Variants in PLEKHA5 observed in about 807,000 individuals in gnomAD.
PLEKHA5 encodes pleckstrin homology domain containing A5.
PLEKHA5 carries 55 observed loss-of-function variants against 181.9 expected under a neutral mutation model. That is an observed-to-expected ratio of 0.30 (90% confidence interval 0.24 to 0.38). The LOEUF is 0.38. Ranked by LOEUF, PLEKHA5 falls within the 10% of genes least tolerant of loss-of-function variation. PLEKHA5 has a pLI of 1.00. For missense variants in PLEKHA5, 1,432 were observed against 1,549.5 expected, an observed-to-expected ratio of 0.92 and a Z score of 1.27; for synonymous variants, 535 against 529.4, an observed-to-expected ratio of 1.01 and a Z score of -0.15.
chr12:19,202,431 G>A (rs2054396297), intron 3 of PLEKHA5, among the ~76,000 whole-genome samples: 1 of 152,090 alleles, frequency 6.6e-6, no homozygotes, highest in African/African-American at 2.4e-5. Context: ...ATCTAGAGCA[G>A]TGGTTCTTAA....
chr12:19,344,600 T>C (rs375816574), intron 22 of PLEKHA5, among the ~76,000 whole-genome samples: 21 of 152,232 alleles, frequency 1.4e-4, no homozygotes, highest in East Asian at 9.6e-4. Flanking sequence ...TAATGGATTT[T>C]AAAAGGTGAG....
At chr12:19,351,222 C>T (rs2094577842) in intron 25 of PLEKHA5, among the ~76,000 whole-genome samples, 1 of 152,072 alleles carries the variant, frequency 6.6e-6, no homozygotes, top group Non-Finnish European at 1.5e-5. Flanking sequence ...AGGCGTGAGC[C>T]ACCACACCTG....
chr12:19,214,811 TTCA>T (rs2057631611), intron 3 of PLEKHA5, among the ~76,000 whole-genome samples: 1 of 152,060 alleles, frequency 6.6e-6, no homozygotes, highest in South Asian at 2.1e-4. Flanking sequence ...CCATGAATTG[TTCA>T]TCACATCATT....
At chr12:19,273,032 G>A (rs960494152) in intron 10 of PLEKHA5, among the ~76,000 whole-genome samples, 1 of 151,248 alleles carries the variant, frequency 6.6e-6, no homozygotes, top group Non-Finnish European at 1.5e-5. Context: ...TCAGCCTCCC[G>A]AGTAGGTGGG....
At chr12:19,198,031 C>T (rs890108635) in intron 3 of PLEKHA5, among the ~76,000 whole-genome samples, 1 of 152,126 alleles carries the variant, frequency 6.6e-6, no homozygotes, top group African/African-American at 2.4e-5. Flanking sequence ...CCACACCTCT[C>T]GTCTTTGCCA....
chr12:19,307,166 C>A (rs1318881361), intron 15 of PLEKHA5: 5 of 741,228 alleles, frequency 6.7e-6, no homozygotes, highest in South Asian at 1.4e-5. Context: ...AAATCGGATA[C>A]CTCTAGTAAA....
At chr12:19,145,344 G>A (rs1415730188) in intron 3 of PLEKHA5, among the ~76,000 whole-genome samples, 5 of 152,102 alleles carry the variant, frequency 3.3e-5, no homozygotes. Context: ...CTTGTAGGAA[G>A]ATGTTCCTAC....
At chr12:19,174,030 C>CG (rs2046614935) in intron 3 of PLEKHA5, among the ~76,000 whole-genome samples, 1 of 152,034 alleles carries the variant, frequency 6.6e-6, no homozygotes, top group South Asian at 2.1e-4. Context: ...AATGAATAAG[C>CG]GTAGGCATCA....
At chr12:19,139,644 C>T (rs552162186) in intron 3 of PLEKHA5, among the ~76,000 whole-genome samples, 17 of 152,234 alleles carry the variant, frequency 1.1e-4, no homozygotes, top group Admixed American at 4.6e-4. Flanking sequence ...AATAATCATG[C>T]AAATATGTAA....
At chr12:19,235,864 G>T (rs2061339630) in intron 3 of PLEKHA5, among the ~76,000 whole-genome samples, 1 of 152,218 alleles carries the variant, frequency 6.6e-6, no homozygotes, top group Non-Finnish European at 1.5e-5. Context: ...GAGCTGAAAT[G>T]TGGGGAAAGG....
intron 15 of PLEKHA5, among the ~76,000 whole-genome samples, chr12:19,303,015 G>A (rs905082632): frequency 1.4e-4 from 19 of 137,942 alleles, no homozygotes; most frequent in African/African-American, 4.1e-4. Flanking sequence ...TCCATTTCCC[G>A]GGTTCAACTG....
rs190972979 is a variant in PLEKHA5 at position 19,214,234 on chromosome 12, C to G, written c.228-39706C>G. Among the ~76,000 whole-genome samples, 228 of 151,140 alleles carry G rather than the reference C, an allele frequency of 1.5e-3. 1 individual carries two copies. The highest frequency in any genetic ancestry group is 2.2e-4 in the South Asian group (1 of 4,602). ...ACCAGAGGACTGAGATTAGGAAAAC[C>G]AGGAGAGGGGAGTGTTAACTGTCTC... is the stretch of plus-strand genomic sequence containing the variant. On this transcript the variant is annotated intron_variant, in intron 3 of 31. Coordinates refer to ENST00000429027, the MANE Select transcript of PLEKHA5 (RefSeq NM_001256470.2).
intron 3 of PLEKHA5, among the ~76,000 whole-genome samples, chr12:19,139,050 G>C (rs956308793): frequency 6.6e-6 from 1 of 152,152 alleles, no homozygotes; most frequent in African/African-American, 2.4e-5. Context: ...TTCTGAGTCT[G>C]TTGCCATAAT....
chr12:19,225,994 T>C (rs1453895215), intron 3 of PLEKHA5, among the ~76,000 whole-genome samples: 1 of 152,220 alleles, frequency 6.6e-6, no homozygotes, highest in African/African-American at 2.4e-5. Context: ...ATATTAATGC[T>C]ACGTTAGTTA....
chr12:19,138,535 T>C (rs1383825391), intron 3 of PLEKHA5, among the ~76,000 whole-genome samples: 2 of 149,394 alleles, frequency 1.3e-5, no homozygotes, highest in Non-Finnish European at 3.0e-5. Flanking sequence ...ATCACGCCAC[T>C]GCACTCCAGC....
intron 3 of PLEKHA5, among the ~76,000 whole-genome samples, chr12:19,162,907 G>T (rs2043306604): frequency 6.6e-6 from 1 of 152,144 alleles, no homozygotes. Flanking sequence ...ATCTAAGACA[G>T]AATTTTATAG....
rs190702441 is a variant in PLEKHA5 at position 19,345,530 on chromosome 12, G to A, written c.2663-312G>A. ...TGTAATCCCAGCACTTTGGGAGGCC[G>A]AGGCAGGTGGATCACTTGAGGTTAG... On this transcript the variant is annotated intron_variant, in intron 22 of 31. Transcript: ENST00000429027. Among the ~76,000 whole-genome samples, 91 of 152,048 alleles carry A rather than the reference G, an allele frequency of 6.0e-4. 1 individual carries two copies. The East Asian group carries it at 0.016, about 26-fold the overall frequency.
At chr12:19,241,398 G>A (rs1044430438) in intron 3 of PLEKHA5, among the ~76,000 whole-genome samples, 4 of 152,182 alleles carry the variant, frequency 2.6e-5, no homozygotes, top group African/African-American at 4.8e-5. Flanking sequence ...TTCAGATGCT[G>A]TTAAGAGAGT....
intron 11 of PLEKHA5, among the ~76,000 whole-genome samples, chr12:19,281,226 CA>C (rs199800119): frequency 0.034 from 3,326 of 96,424 alleles, 50 homozygotes; most frequent in Middle Eastern, 0.16. Flanking sequence ...GAATCCATCT[CA>C]AAAAAAAAAA....
Sources: allele counts gnomAD v4.1 joint callset (sites outside exome capture counted in the v4.1 genomes callset), GRCh38; gene constraint gnomAD v4.1.1; transcripts MANE v1.5; gene names NCBI Gene and HGNC (gene_info 2026-07-23, HGNC 2026-07-21).